Variants in ALCAM observed in about 807,000 individuals in gnomAD.
The protein encoded by ALCAM is CD166 antigen.
Under a neutral mutation model 70.9 loss-of-function variants are expected in ALCAM, and 30 were observed. The observed-to-expected ratio is 0.42, with a 90% CI of 0.32 to 0.57. The LOEUF (loss-of-function observed/expected upper bound fraction) is 0.57, where lower values mean the gene tolerates loss of function less well. Ranked by LOEUF, ALCAM falls within the 20% of genes least tolerant of loss-of-function variation. ALCAM has a pLI of 0.11. For synonymous variants in ALCAM, 249 were observed against 242.5 expected, an observed-to-expected ratio of 1.03 and a Z score of -0.25; for missense variants, 591 against 695.1, an observed-to-expected ratio of 0.85 and a Z score of 1.68.
At chr3:105,367,637 T>C (rs1935099715) in intron 1 of ALCAM, among the ~76,000 whole-genome samples, 156 bp downstream of exon 1, 1 of 152,178 alleles carries the variant, frequency 6.6e-6, no homozygotes, top group Non-Finnish European at 1.5e-5. Flanking sequence ...CCGGGCTCGG[T>C]CACCTGTGCC....
In ALCAM at chr3:105,470,551, A is replaced by G. The variant is rs569653163; in HGVS notation, c.74-49516A>G. On this transcript the variant is annotated intron_variant, in intron 1 of 15. Transcript: ENST00000306107. Reference sequence around the variant, plus strand: ...TGGTCTGTACCTAAAAAGTTGGTATAAAGTTATTATAAGTAGGATTAACTA... The same window carrying G: ...TGGTCTGTACCTAAAAAGTTGGTATGAAGTTATTATAAGTAGGATTAACTA... 5.3e-5 allele frequency among the ~76,000 whole-genome samples: 8 copies of G among 151,350 alleles called. 1 individual carries two copies. In the South Asian group the frequency reaches 1.7e-3, roughly 31 times the overall value.
At chr3:105,426,155 G>A (rs1936785498) in intron 1 of ALCAM, among the ~76,000 whole-genome samples, 1 of 151,800 alleles carries the variant, frequency 6.6e-6, no homozygotes, top group Admixed American at 6.6e-5. Flanking sequence ...AACTTGCTGA[G>A]TGACCTAGGA....
rs540914556 is a variant in ALCAM, at chr3:105,467,574, G to A, written c.74-52493G>A. Among the ~76,000 whole-genome samples, 359 of 151,222 alleles carry A rather than the reference G, an allele frequency of 2.4e-3. 1 individual carries two copies. The highest frequency in any genetic ancestry group is 8.2e-3 in the African/African-American group (339 of 41,378). Reference sequence around the variant, plus strand: ...TCTTACTTAGAAGATGACATTCTTAGTTTATTTGACTCCTAAACTTTTGGG... The same window carrying A: ...TCTTACTTAGAAGATGACATTCTTAATTTATTTGACTCCTAAACTTTTGGG... On this transcript the variant is annotated intron_variant, in intron 1 of 15. Coordinates refer to ENST00000306107, the MANE Select transcript of ALCAM (RefSeq NM_001627.4).
intron 1 of ALCAM, among the ~76,000 whole-genome samples, chr3:105,497,912 T>A (rs1181756391): frequency 2.6e-5 from 4 of 151,694 alleles, no homozygotes; most frequent in African/African-American, 9.7e-5. Flanking sequence ...GCACCTGTAG[T>A]CCCAGCTACT....
intron 14 of ALCAM, among the ~76,000 whole-genome samples, chr3:105,567,450 C>A (rs1428296914): frequency 6.6e-6 from 1 of 151,920 alleles, no homozygotes; most frequent in Non-Finnish European, 1.5e-5. Flanking sequence ...TTTTCCACTG[C>A]CCTGGACTCC....
Position 105,501,671 on chromosome 3 carries a change from T to C in ALCAM, c.74-18396T>C, listed in dbSNP as rs986687517. On this transcript the variant is annotated intron_variant, in intron 1 of 15. Transcript: ENST00000306107. Reference sequence around the variant, plus strand: ...TGTAGTTTATTTTTCTTATCCATAATGGTAGTAATTAAGATGAATAATATT... The same window carrying C: ...TGTAGTTTATTTTTCTTATCCATAACGGTAGTAATTAAGATGAATAATATT... Among the ~76,000 whole-genome samples the C allele has an allele frequency of 6.6e-4, 101 of 152,200 alleles. 4 individuals are homozygous for C. The highest frequency in any genetic ancestry group is 1.5e-4 in the Non-Finnish European group (10 of 68,014).
chr3:105,541,828 T>C (rs1940124895), intron 8 of ALCAM, 63 bp downstream of exon 8: 2 of 1,574,202 alleles, frequency 1.3e-6, no homozygotes, highest in South Asian at 2.3e-5. Flanking sequence ...TTAATGTAGC[T>C]ATCTTTTCAA....
chr3:105,466,058 AT>A (rs1322105549), intron 1 of ALCAM, among the ~76,000 whole-genome samples: 1 of 151,468 alleles, frequency 6.6e-6, no homozygotes, highest in Non-Finnish European at 1.5e-5. Context: ...CACAGTTTCT[AT>A]TTTAAAAATA....
intron 1 of ALCAM, among the ~76,000 whole-genome samples, chr3:105,428,942 G>T (rs1184393208): frequency 6.6e-6 from 1 of 151,732 alleles, no homozygotes; most frequent in African/African-American, 2.4e-5. Flanking sequence ...CCATCATATT[G>T]GGCACAAAAG....
chr3:105,533,717 A>C, intron 5 of ALCAM, 27 bp downstream of exon 5: 1 of 1,592,442 alleles, frequency 6.3e-7, no homozygotes, highest in Non-Finnish European at 8.6e-7. Context: ...GAGGACAGGG[A>C]GTACATTCAG....
chr3:105,476,581 G>A (rs1392187580), intron 1 of ALCAM, among the ~76,000 whole-genome samples: 2 of 151,848 alleles, frequency 1.3e-5, no homozygotes, highest in African/African-American at 4.8e-5. Context: ...TGCCAGTTAA[G>A]GATTATCCCT....
chr3:105,485,044 C>T (rs1938386699), intron 1 of ALCAM, among the ~76,000 whole-genome samples: 1 of 151,870 alleles, frequency 6.6e-6, no homozygotes, highest in Admixed American at 6.6e-5. Context: ...AATAGAATAA[C>T]CTTTTATTCA....
intron 1 of ALCAM, among the ~76,000 whole-genome samples, chr3:105,369,525 G>T (rs1935170697): frequency 6.6e-6 from 1 of 152,166 alleles, no homozygotes; most frequent in African/African-American, 2.4e-5. Flanking sequence ...AGTGTGTTTT[G>T]AAAGGAAAGG....
intron 1 of ALCAM, among the ~76,000 whole-genome samples, chr3:105,442,625 C>T (rs1465854974): frequency 6.6e-6 from 1 of 151,624 alleles, no homozygotes; most frequent in Non-Finnish European, 1.5e-5. Flanking sequence ...ACTAAAAACA[C>T]AAAAAATTAG....
At chr3:105,524,708 C>T (rs1426663287) in intron 3 of ALCAM, 200 bp downstream of exon 3, 1 of 1,322,596 alleles carries the variant, frequency 7.6e-7, no homozygotes, top group Non-Finnish European at 9.7e-7. Context: ...AGGAGATTTG[C>T]AGTGAGGAAC....
intron 11 of ALCAM, 44 bp downstream of exon 11, chr3:105,547,567 CG>C (rs1940281667): frequency 6.3e-7 from 1 of 1,588,126 alleles, no homozygotes; most frequent in Non-Finnish European, 8.6e-7. Flanking sequence ...TCGTCCAATG[CG>C]TTTTTTTTCC....
chr3:105,550,278 G>C lies in ALCAM; in HGVS notation c.1507+19G>C, dbSNP rs1180102132. Reference sequence around the variant, plus strand: ...TCTGCTAGTGAGTATTTTATTTCTGGCATTACAAAAGTAAGAAAATTTGAA... The same window carrying C: ...TCTGCTAGTGAGTATTTTATTTCTGCCATTACAAAAGTAAGAAAATTTGAA... On this transcript the variant is annotated intron_variant, in intron 12 of 15. Coordinates refer to ENST00000306107, the MANE Select transcript of ALCAM (RefSeq NM_001627.4). 5.1e-6 allele frequency: 8 copies of C among 1,574,738 alleles called. 1 individual carries two copies. The South Asian group carries it at 9.6e-5, about 19-fold the overall frequency.
chr3:105,497,091 G>C (rs931389238), intron 1 of ALCAM, among the ~76,000 whole-genome samples: 2 of 151,990 alleles, frequency 1.3e-5, no homozygotes, highest in Admixed American at 1.3e-4. Context: ...TTAAGGAAAA[G>C]AATTCATATA....
chr3:105,573,786 A>G (rs1187271737), intron 15 of ALCAM, among the ~76,000 whole-genome samples: 1 of 152,238 alleles, frequency 6.6e-6, no homozygotes, highest in Non-Finnish European at 1.5e-5. Context: ...GGTTCATTAT[A>G]AATAAACCAC....
Sources: allele counts gnomAD v4.1 joint callset (sites outside exome capture counted in the v4.1 genomes callset), GRCh38; gene constraint gnomAD v4.1.1; transcripts MANE v1.5; gene names NCBI Gene and HGNC (gene_info 2026-07-23, HGNC 2026-07-21).